SFMBT1: variants seen among roughly 807,000 people sequenced by gnomAD.
SFMBT1 encodes Scm like with four mbt domains 1.
SFMBT1 carries 32 observed loss-of-function variants against 108.7 expected under a neutral mutation model. The ratio of observed to expected loss-of-function variants is 0.29; its 90% CI spans 0.22 to 0.40. SFMBT1 has a LOEUF of 0.40. SFMBT1 is among the 10% of genes least tolerant of loss of function. The pLI, the probability that SFMBT1 is intolerant of heterozygous loss-of-function variation, is 1.00. For synonymous variants in SFMBT1, 348 were observed against 369.5 expected (o/e 0.94, Z 0.67); for missense variants, 816 against 1,059.6 (o/e 0.77, Z 3.19).
intron 2 of SFMBT1, among the ~76,000 whole-genome samples, chr3:52,967,415 G>C (rs1330598888): frequency 6.6e-6 from 1 of 152,148 alleles, no homozygotes; most frequent in Non-Finnish European, 1.5e-5. Flanking sequence ...GTCAGAGTCT[G>C]GGTGGAAAAG....
chr3:53,008,098 A>G (rs768019600), intron 1 of SFMBT1, among the ~76,000 whole-genome samples: 107 of 148,734 alleles, frequency 7.2e-4, no homozygotes, highest in Non-Finnish European at 1.2e-3. Context: ...TGGGGAAAGG[A>G]GCTGGAAGGT....
chr3:52,911,758 T>A (rs557517859), intron 16 of SFMBT1, among the ~76,000 whole-genome samples: 2 of 152,292 alleles, frequency 1.3e-5, no homozygotes, highest in South Asian at 4.1e-4. Flanking sequence ...TGAAGTGCAG[T>A]GGCATGATCT....
intron 1 of SFMBT1, among the ~76,000 whole-genome samples, chr3:53,024,677 C>CACT (rs1167060999): frequency 6.6e-6 from 1 of 152,204 alleles, no homozygotes; most frequent in Non-Finnish European, 1.5e-5. Flanking sequence ...AATGTGCTAG[C>CACT]ACTACTTAGA....
intron 13 of SFMBT1, 132 bp from the exon 14 acceptor site, chr3:52,916,346 C>T (rs1283323059): frequency 6.6e-6 from 4 of 604,216 alleles, no homozygotes; most frequent in African/African-American, 1.9e-5. Context: ...AAGGTACTCC[C>T]TTGATGATAC....
intron 1 of SFMBT1, among the ~76,000 whole-genome samples, chr3:53,030,528 T>C (rs148003720): frequency 5.9e-5 from 9 of 152,220 alleles, no homozygotes; most frequent in South Asian, 2.1e-4. Flanking sequence ...GTAATGCCTA[T>C]TAAAAGCAAT....
At chr3:52,963,442 A>C (rs918946703) in intron 2 of SFMBT1, among the ~76,000 whole-genome samples, 1 of 151,340 alleles carries the variant, frequency 6.6e-6, no homozygotes, top group Non-Finnish European at 1.5e-5. Context: ...CCTTTAAGTA[A>C]TGTTATTTAT....
At chr3:53,011,617 T>C (rs1359306427) in intron 1 of SFMBT1, among the ~76,000 whole-genome samples, 2 of 152,120 alleles carry the variant, frequency 1.3e-5, no homozygotes, top group Non-Finnish European at 1.5e-5. Context: ...TGTCAAAGGA[T>C]TGAGCCTAAG....
intron 3 of SFMBT1, 117 bp from the exon 4 acceptor site, chr3:52,943,710 G>T: frequency 7.8e-7 from 1 of 1,288,148 alleles, no homozygotes; most frequent in East Asian, 2.3e-5. Context: ...ACATCTCAAG[G>T]AAAGCCTGAG....
chr3:52,931,079 A>T, intron 6 of SFMBT1, 44 bp from the exon 7 acceptor site: 1 of 1,558,246 alleles, frequency 6.4e-7, no homozygotes, highest in Non-Finnish European at 8.8e-7. Flanking sequence ...TGAGAAACTT[A>T]TACTTTTTAC....
At chr3:52,919,741 G>A (rs747853014) in intron 12 of SFMBT1, among the ~76,000 whole-genome samples, 2 of 152,154 alleles carry the variant, frequency 1.3e-5, no homozygotes, top group Non-Finnish European at 2.9e-5. Flanking sequence ...GTCATGTTGT[G>A]AGCTGCCTTA....
intron 1 of SFMBT1, among the ~76,000 whole-genome samples, chr3:53,035,971 C>A (rs1042571747): frequency 6.6e-6 from 1 of 152,232 alleles, no homozygotes; most frequent in Non-Finnish European, 1.5e-5. Flanking sequence ...TTTTTAATAT[C>A]TAGTTTCACT....
chr3:53,017,122 A>G (rs1324329842), intron 1 of SFMBT1, among the ~76,000 whole-genome samples: 2 of 152,196 alleles, frequency 1.3e-5, no homozygotes, highest in Non-Finnish European at 2.9e-5. Context: ...GTAATTCTGC[A>G]AAGTACATTA....
intron 1 of SFMBT1, among the ~76,000 whole-genome samples, chr3:52,992,637 T>C (rs1705180524): frequency 6.6e-6 from 1 of 152,244 alleles, no homozygotes; most frequent in Non-Finnish European, 1.5e-5. Context: ...TTCCTCAGTA[T>C]GTTTCCTTAA....
intron 20 of SFMBT1, among the ~76,000 whole-genome samples, chr3:52,905,657 T>G (rs113318182): frequency 2.0e-5 from 3 of 152,236 alleles, no homozygotes; most frequent in Non-Finnish European, 4.4e-5. Flanking sequence ...TTTCCTACTC[T>G]GTAACATTCA....
At chr3:52,952,090 G>T (rs966317287) in intron 3 of SFMBT1, among the ~76,000 whole-genome samples, 4 of 152,220 alleles carry the variant, frequency 2.6e-5, no homozygotes, top group Non-Finnish European at 5.9e-5. Context: ...TGTGCATGGT[G>T]GCTCACGCCT....
At chr3:53,009,160 CT>C (rs1167370619) in intron 1 of SFMBT1, among the ~76,000 whole-genome samples, 1 of 151,774 alleles carries the variant, frequency 6.6e-6, no homozygotes, top group Non-Finnish European at 1.5e-5. Flanking sequence ...GAGAATACCA[CT>C]TTTGGCTGGG....
In SFMBT1 at chr3:52,962,046, G is replaced by A. The variant is rs1394838713; in HGVS notation, c.28+7055C>T. ...AAATATATGAAAATGTGCAAATTTT[G>A]TTTTAAGAGAAATGCAAATTAAAAC... On this transcript the variant is annotated intron_variant, in intron 2 of 20. Coordinates refer to ENST00000394752, the MANE Select transcript of SFMBT1 (RefSeq NM_016329.4). Among the ~76,000 whole-genome samples, 3 of 151,916 alleles carry A rather than the reference G, an allele frequency of 2.0e-5. No homozygotes were observed. The South Asian group carries it at 6.3e-4, about 32-fold the overall frequency.
chr3:53,032,264 G>C (rs11713171), intron 1 of SFMBT1, among the ~76,000 whole-genome samples: 13,157 of 152,282 alleles, frequency 0.086, 593 homozygotes, highest in East Asian at 0.12. Flanking sequence ...CAGCTACTTG[G>C]GAGGCTGATG....
At chr3:52,911,846 C>T (rs1246027870) in intron 16 of SFMBT1, among the ~76,000 whole-genome samples, 2 of 151,234 alleles carry the variant, frequency 1.3e-5, no homozygotes, top group Non-Finnish European at 3.0e-5. Flanking sequence ...ATTACAGGCA[C>T]ACACCACGAC....
Sources: gnomAD v4.1 joint callset for allele counts (sites outside exome capture counted in the v4.1 genomes callset) on GRCh38, gnomAD v4.1.1 for gene constraint, MANE v1.5 for transcripts, NCBI Gene and HGNC (gene_info 2026-07-23, HGNC 2026-07-21) for gene names.